TOPBP1: variants seen among roughly 807,000 people sequenced by gnomAD.
The protein encoded by TOPBP1 is DNA topoisomerase 2-binding protein 1.
In TOPBP1, 28 loss-of-function variants were observed where a neutral mutation model predicts 167.7. That is an observed-to-expected ratio of 0.17 (90% confidence interval 0.12 to 0.23). The LOEUF (loss-of-function observed/expected upper bound fraction) is 0.23, where lower values mean the gene tolerates loss of function less well. TOPBP1 is among the 10% of genes least tolerant of loss of function. The pLI, the probability that TOPBP1 is intolerant of heterozygous loss-of-function variation, is 1.00. For synonymous variants in TOPBP1, 598 were observed against 611.4 expected (o/e 0.98, Z 0.32); for missense variants, 1,554 against 1,809.6 (o/e 0.86, Z 2.56).
chr3:133,609,169 A>G (rs927450941), intron 25 of TOPBP1, among the ~76,000 whole-genome samples: 14 of 152,254 alleles, frequency 9.2e-5, no homozygotes, highest in Admixed American at 6.5e-5. Flanking sequence ...TACGTGAGGA[A>G]TGAAAAACCA....
intron 24 of TOPBP1, 65 bp from the exon 25 acceptor site, chr3:133,611,206 G>A: frequency 1.4e-6 from 2 of 1,468,758 alleles, no homozygotes; most frequent in Non-Finnish European, 1.8e-6. Flanking sequence ...AACATACAGG[G>A]CTCCTCAAGG....
At chr3:133,658,326 G>A (rs1404646702) in intron 3 of TOPBP1, among the ~76,000 whole-genome samples, 2 of 152,058 alleles carry the variant, frequency 1.3e-5, no homozygotes, top group Non-Finnish European at 2.9e-5. Context: ...AATTAGTCGG[G>A]TGCAGTGGCG....
At chr3:133,648,142 T>C (rs1936145243) in intron 10 of TOPBP1, among the ~76,000 whole-genome samples, 1 of 152,194 alleles carries the variant, frequency 6.6e-6, no homozygotes, top group Non-Finnish European at 1.5e-5. Context: ...CAGACTGATA[T>C]CTGACCTCCT....
intron 3 of TOPBP1, among the ~76,000 whole-genome samples, chr3:133,658,496 A>G (rs1936563906): frequency 6.6e-6 from 1 of 151,806 alleles, no homozygotes; most frequent in African/African-American, 2.4e-5. Context: ...AAGAAAAGAA[A>G]TAAACTTCAA....
intron 4 of TOPBP1, among the ~76,000 whole-genome samples, 162 bp downstream of exon 4, chr3:133,657,636 T>C (rs1936523114): frequency 6.6e-6 from 1 of 152,244 alleles, no homozygotes; most frequent in Non-Finnish European, 1.5e-5. Flanking sequence ...ACTTAAAAAA[T>C]GTACATGTAT....
chr3:133,654,691 A>C (rs1267070944), intron 6 of TOPBP1, among the ~76,000 whole-genome samples: 1 of 152,234 alleles, frequency 6.6e-6, no homozygotes, highest in Non-Finnish European at 1.5e-5. Flanking sequence ...AATTATCCAG[A>C]ATAATGTTAT....
rs367829892 is a variant in TOPBP1 at position 133,658,543 on chromosome 3, T to C, written c.219+473A>G. On this transcript the variant is annotated intron_variant, in intron 3 of 27. Transcript: ENST00000260810. Reference sequence around the variant, plus strand: ...ACTGAAAACTGCCTTACTGCTTACATCTATAAGCCCAATATTTTGGGAGGC... The same window carrying C: ...ACTGAAAACTGCCTTACTGCTTACACCTATAAGCCCAATATTTTGGGAGGC... 2.2e-4 allele frequency among the ~76,000 whole-genome samples: 33 copies of C among 151,570 alleles called. 1 individual carries two copies. The highest frequency in any genetic ancestry group is 6.1e-4 in the African/African-American group (25 of 41,282).
Position 133,617,221 on chromosome 3 carries a change from T to C in TOPBP1, c.3698A>G (p.Gln1233Arg), listed in dbSNP as rs1644790075. ...IKDSHLIPTP[Q>R]APSIAFPLAN... ...GAGTGGAAAGGCAATACTGGGGGCT[T>C]GAGGCGTAGGGATCAGGTGGCTGTC... Residue 1233 changes from glutamine to arginine, a missense_variant, in exon 22 of 28, where the codon CAA becomes CGA. Physicochemically the swap from Gln to Arg is conservative, Grantham distance 43. Transcript: ENST00000260810. 1.9e-6 allele frequency: 3 copies of C among 1,613,844 alleles called. No individual in the cohort carries two copies. The highest frequency in any genetic ancestry group is 2.5e-6 in the Non-Finnish European group (3 of 1,179,830).
chr3:133,612,657 A>C, intron 23 of TOPBP1, 105 bp from the exon 24 acceptor site: 1 of 1,019,364 alleles, frequency 9.8e-7, no homozygotes, highest in Non-Finnish European at 1.3e-6. Flanking sequence ...AAAATGCCCC[A>C]AACCATTTAA....
chr3:133,639,770 C>T (rs1018562671), intron 13 of TOPBP1, among the ~76,000 whole-genome samples, 189 bp downstream of exon 13: 22 of 151,962 alleles, frequency 1.4e-4, no homozygotes, highest in Non-Finnish European at 5.9e-5. Flanking sequence ...TACTATGAGC[C>T]ATAGAAAGAA....
chr3:133,616,643 G>A (rs1159401406), intron 23 of TOPBP1, among the ~76,000 whole-genome samples, 171 bp downstream of exon 23: 2 of 152,136 alleles, frequency 1.3e-5, no homozygotes, highest in Non-Finnish European at 2.9e-5. Context: ...TGACTTTAGA[G>A]CTTTTTAAAA....
intron 23 of TOPBP1, among the ~76,000 whole-genome samples, chr3:133,616,339 C>G (rs971558503): frequency 3.3e-4 from 50 of 152,064 alleles, no homozygotes; most frequent in Non-Finnish European, 5.9e-5. Context: ...CCAGCCTAGT[C>G]TTAAACTCCT....
chr3:133,653,296 G>C, intron 7 of TOPBP1, 49 bp downstream of exon 7: 2 of 1,469,884 alleles, frequency 1.4e-6, no homozygotes, highest in Non-Finnish European at 1.8e-6. Flanking sequence ...TTATTACATA[G>C]AAATATGACT....
At chr3:133,614,530 A>G (rs1934796459) in intron 23 of TOPBP1, among the ~76,000 whole-genome samples, 2 of 152,058 alleles carry the variant, frequency 1.3e-5, no homozygotes, top group African/African-American at 4.8e-5. Context: ...ATATTGGAAA[A>G]CCTCTAGAGT....
intron 5 of TOPBP1, 45 bp downstream of exon 5, chr3:133,656,631 G>C (rs9838963): frequency 0.092 from 138,763 of 1,510,860 alleles, 6,866 homozygotes; most frequent in African/African-American, 0.17. Context: ...ATGATTGAAT[G>C]CATCATTTTT....
At chr3:133,630,078 G>C (rs765166558) in intron 14 of TOPBP1, among the ~76,000 whole-genome samples, 6 of 151,936 alleles carry the variant, frequency 3.9e-5, no homozygotes, top group African/African-American at 1.5e-4. Context: ...GAGCCACCGC[G>C]CCTGGCTATA....
chr3:133,606,998 T>A (rs998526545), intron 27 of TOPBP1, among the ~76,000 whole-genome samples: 20 of 152,078 alleles, frequency 1.3e-4, no homozygotes, highest in African/African-American at 4.8e-4. Flanking sequence ...TCATTAGTCA[T>A]CAGGGAAATA....
At chr3:133,610,251 G>C (rs1934629295) in intron 25 of TOPBP1, among the ~76,000 whole-genome samples, 1 of 152,132 alleles carries the variant, frequency 6.6e-6, no homozygotes, top group Admixed American at 6.6e-5. Context: ...CAGAAGTTAT[G>C]ATTCCATGAA....
chr3:133,624,247 A>T, intron 16 of TOPBP1, 72 bp from the exon 17 acceptor site: 1 of 1,536,004 alleles, frequency 6.5e-7, no homozygotes, highest in East Asian at 2.3e-5. Context: ...ATTCTTATTT[A>T]CTGTGAACAG....
Sources: allele counts gnomAD v4.1 joint callset (sites outside exome capture counted in the v4.1 genomes callset), GRCh38; gene constraint gnomAD v4.1.1; transcripts MANE v1.5; gene names NCBI Gene and HGNC (gene_info 2026-07-23, HGNC 2026-07-21).